RGS17: variants seen among roughly 807,000 people sequenced by gnomAD.
The protein encoded by RGS17 is regulator of G-protein signaling 17.
In RGS17, 12 loss-of-function variants were observed where a neutral mutation model predicts 25.5. That is an observed-to-expected ratio of 0.47 (90% CI 0.30 to 0.76). The LOEUF is 0.76. RGS17 is among the 30% of genes least tolerant of loss of function. The pLI is 0.07. For synonymous variants in RGS17, 71 were observed against 76.9 expected (o/e 0.92, Z 0.40); for missense variants, 196 against 242.2 (o/e 0.81, Z 1.27).
In RGS17 at chr6:153,007,116, GACT is replaced by G. The variant is rs1260272757; in HGVS notation, c.*4455_*4457del. The G allele has an allele frequency of 1.3e-5, 2 of 152,096 alleles. No homozygotes were observed. Among genetic ancestry groups the G allele is most frequent in the African/African-American group, 4.8e-5 (2 of 41,404 alleles). 9.4% of individuals were successfully genotyped at this position (152,096 alleles called of 1,614,324 possible). On this transcript the variant is annotated 3_prime_UTR_variant, in exon 5 of 5. Transcript: ENST00000206262. ...AAAGATGTTACTTGGGGCTGGAGAG[GACT>G]ACACCTGTAAGAGTAATAATTTCAA...
intron 1 of RGS17, among the ~76,000 whole-genome samples, chr6:153,123,303 C>T (rs543782049): frequency 6.6e-6 from 1 of 152,064 alleles, no homozygotes; most frequent in Non-Finnish European, 1.5e-5. Flanking sequence ...CATTAGCATA[C>T]ATTTTTACTT....
chr6:153,088,698 A>C (rs935217981), intron 1 of RGS17, among the ~76,000 whole-genome samples: 2 of 152,016 alleles, frequency 1.3e-5, no homozygotes, highest in African/African-American at 2.4e-5. Context: ...TCTTCCTGGC[A>C]TGAGAGATTC....
chr6:153,126,995 A>G (rs533033334), intron 1 of RGS17, among the ~76,000 whole-genome samples: 1 of 152,282 alleles, frequency 6.6e-6, no homozygotes, highest in Admixed American at 6.5e-5. Context: ...CATGGAAGAC[A>G]ATTTTTCCAC....
At chr6:153,106,680 T>C (rs1353426950) in intron 1 of RGS17, among the ~76,000 whole-genome samples, 1 of 152,080 alleles carries the variant, frequency 6.6e-6, no homozygotes, top group Non-Finnish European at 1.5e-5. Context: ...TTCCCTCTTG[T>C]TGCCCAAGCT....
At chr6:153,101,923 T>C (rs1323582850) in intron 1 of RGS17, among the ~76,000 whole-genome samples, 1 of 152,182 alleles carries the variant, frequency 6.6e-6, no homozygotes, top group Non-Finnish European at 1.5e-5. Context: ...GTGAGTCAAC[T>C]AAACATTTCC....
At chr6:153,099,477 A>G (rs943623196) in intron 1 of RGS17, among the ~76,000 whole-genome samples, 1 of 152,220 alleles carries the variant, frequency 6.6e-6, no homozygotes, top group East Asian at 1.9e-4. Context: ...TTAGAGAAGC[A>G]TAAGTGAGAC....
intron 1 of RGS17, among the ~76,000 whole-genome samples, chr6:153,110,389 C>T (rs1325971388): frequency 2.0e-5 from 3 of 149,644 alleles, no homozygotes; most frequent in Non-Finnish European, 3.0e-5. Flanking sequence ...TTGCTTTATA[C>T]TTTAGGCAAT....
chr6:153,056,090 T>TCCACGG (rs1341844938), intron 1 of RGS17, among the ~76,000 whole-genome samples: 1 of 152,202 alleles, frequency 6.6e-6, no homozygotes, highest in Non-Finnish European at 1.5e-5. Context: ...GTTAAAATAG[T>TCCACGG]CAATGGCAAT....
At chr6:153,070,673 T>TTGTGTCTGTG in intron 1 of RGS17, among the ~76,000 whole-genome samples, 1 of 145,066 alleles carries the variant, frequency 6.9e-6, no homozygotes, top group South Asian at 2.2e-4. Context: ...ACATGGAAGA[T>TTGTGTCTGTG]TGTGTGTGTG....
intron 4 of RGS17, among the ~76,000 whole-genome samples, chr6:153,022,065 C>T (rs1431953292): frequency 3.9e-5 from 6 of 151,968 alleles, no homozygotes; most frequent in African/African-American, 1.2e-4. Flanking sequence ...GTAATTAGCC[C>T]GGCGTGTTGG....
At chr6:153,091,642 A>G (rs1562331595) in intron 1 of RGS17, among the ~76,000 whole-genome samples, 1 of 152,084 alleles carries the variant, frequency 6.6e-6, no homozygotes. Context: ...CCTCCTGAGC[A>G]GCTGAGGTTA....
chr6:153,125,870 C>T (rs1450462219), intron 1 of RGS17, among the ~76,000 whole-genome samples: 1 of 152,066 alleles, frequency 6.6e-6, no homozygotes, highest in East Asian at 1.9e-4. Context: ...AACATTTATA[C>T]TTTCTAGATA....
Position 153,011,518 on chromosome 6 carries a change from T to C in RGS17, c.*56A>G. 1 of 1,228,910 alleles carries C rather than the reference T, an allele frequency of 8.1e-7. No individual in the cohort carries two copies. The highest frequency in any genetic ancestry group is 2.3e-5 in the East Asian group (1 of 42,808). 76.1% of individuals were successfully genotyped at this position (1,228,910 alleles called of 1,614,324 possible). On this transcript the variant is annotated 3_prime_UTR_variant, in exon 5 of 5. Coordinates refer to ENST00000206262, the MANE Select transcript of RGS17 (RefSeq NM_012419.5). ...CCAGGAACTCAGTTTCTGATGTTAT[T>C]TAACTACTTTTATTTCCCATCTCAG... is the stretch of plus-strand genomic sequence containing the variant.
chr6:153,075,100 T>C lies in RGS17; in HGVS notation c.-25-31057A>G, dbSNP rs1172283515. Among the ~76,000 whole-genome samples, 4 of 152,336 alleles carry C rather than the reference T, an allele frequency of 2.6e-5. No homozygotes were observed. In the East Asian group the frequency reaches 7.7e-4, roughly 29 times the overall value. On this transcript the variant is annotated intron_variant, in intron 1 of 4. Transcript: ENST00000206262. The stretch of plus-strand genomic sequence containing the variant: ...GATAAATGAGTTCATACATTTTATT[T>C]TGTGTTATATTTAAAAAGTATTTGC...
Position 153,005,439 on chromosome 6 carries a change from T to C in RGS17, c.*6135A>G, listed in dbSNP as rs1264057628. ...AAATGTCCAGAAAATTTACCTTCAATATAATCTCTTTAAAAACGCATTACT... is the reference window on the plus strand; with the variant it reads ...AAATGTCCAGAAAATTTACCTTCAACATAATCTCTTTAAAAACGCATTACT... On this transcript the variant is annotated 3_prime_UTR_variant, in exon 5 of 5. Coordinates refer to ENST00000206262, the MANE Select transcript of RGS17 (RefSeq NM_012419.5). 2.6e-5 allele frequency: 4 copies of C among 152,324 alleles called. No individual in the cohort carries two copies. The highest frequency in any genetic ancestry group is 5.9e-5 in the Non-Finnish European group (4 of 68,028). 9.4% of individuals were successfully genotyped at this position (152,324 alleles called of 1,614,324 possible).
chr6:153,015,013 T>A (rs962033983), intron 4 of RGS17, among the ~76,000 whole-genome samples: 7 of 151,944 alleles, frequency 4.6e-5, no homozygotes, highest in Non-Finnish European at 1.0e-4. Flanking sequence ...TTTTGAGGAG[T>A]TCAAGACTTC....
At chr6:153,049,307 C>T (rs936152301) in intron 1 of RGS17, among the ~76,000 whole-genome samples, 3 of 152,014 alleles carry the variant, frequency 2.0e-5, no homozygotes, top group Non-Finnish European at 4.4e-5. Flanking sequence ...AAAACCAAAA[C>T]AGTAACTGGT....
chr6:153,097,569 C>T (rs1212186383), intron 1 of RGS17, among the ~76,000 whole-genome samples: 3 of 151,812 alleles, frequency 2.0e-5, no homozygotes, highest in Non-Finnish European at 4.4e-5. Context: ...GGGAGCAGGG[C>T]GTGCAGTGGA....
chr6:153,066,371 T>TA (rs1027139359), intron 1 of RGS17, among the ~76,000 whole-genome samples: 3 of 151,650 alleles, frequency 2.0e-5, no homozygotes, highest in Non-Finnish European at 2.9e-5. Context: ...AGTCTCCCTG[T>TA]AAAAAAAAGC....
Sources: gnomAD v4.1 joint callset for allele counts (sites outside exome capture counted in the v4.1 genomes callset) on GRCh38, gnomAD v4.1.1 for gene constraint, MANE v1.5 for transcripts, NCBI Gene and HGNC (gene_info 2026-07-23, HGNC 2026-07-21) for gene names.